The following SLC7A5 variants were observed in gnomAD, a reference collection of about 807,000 sequenced individuals.
SLC7A5 encodes large neutral amino acids transporter small subunit 1.
SLC7A5 carries 23 observed loss-of-function variants against 50.2 expected under a neutral mutation model. The observed-to-expected ratio is 0.46, with a 90% CI of 0.33 to 0.65. The LOEUF (loss-of-function observed/expected upper bound fraction) is 0.65. SLC7A5 is among the 30% of genes least tolerant of loss of function. The pLI is 0.02. For synonymous variants in SLC7A5, 393 were observed against 330.6 expected (o/e 1.19, Z -2.05); for missense variants, 578 against 684.4 (o/e 0.84, Z 1.73).
At chr16:87,868,605 T>C (rs2055492558) in intron 1 of SLC7A5, among the ~76,000 whole-genome samples, 1 of 152,170 alleles carries the variant, frequency 6.6e-6, no homozygotes, top group African/African-American at 2.4e-5. Flanking sequence ...GGCACTTGCC[T>C]AAACCGCTTA....
At chr16:87,868,586 C>A (rs1289642340) in intron 1 of SLC7A5, among the ~76,000 whole-genome samples, 1 of 152,164 alleles carries the variant, frequency 6.6e-6, no homozygotes, top group Non-Finnish European at 1.5e-5. Context: ...GCGGGGCCAA[C>A]GGGAGGGTGG....
In SLC7A5 at chr16:87,839,250, C is replaced by A. The variant is rs114872011; in HGVS notation, c.940-433G>T. Among the ~76,000 whole-genome samples the A allele has an allele frequency of 7.2e-3, 1,091 of 152,318 alleles. 12 individuals carry two copies. Among genetic ancestry groups the A allele is most frequent in the African/African-American group, 0.022 (919 of 41,568 alleles). On this transcript the variant is annotated intron_variant, in intron 5 of 9. Coordinates refer to ENST00000261622, the MANE Select transcript of SLC7A5 (RefSeq NM_003486.7). ...AGGGCAGTGGGAGAAGCCTCGGGAA[C>A]TGCGAGGCCAGCCTGGCTGAGCTGC...
chr16:87,867,562 C>A (rs2055478991), intron 1 of SLC7A5, among the ~76,000 whole-genome samples: 1 of 152,148 alleles, frequency 6.6e-6, no homozygotes, highest in African/African-American at 2.4e-5. Flanking sequence ...CCCCCTCCCC[C>A]TCCCCCCCAA....
chr16:87,840,404 C>T (rs771481278), intron 4 of SLC7A5, 25 bp downstream of exon 4: 44 of 1,593,280 alleles, frequency 2.8e-5, no homozygotes, highest in Non-Finnish European at 3.4e-5. Context: ...TGAAAAAAGA[C>T]GGCTCCATCC....
intron 1 of SLC7A5, among the ~76,000 whole-genome samples, chr16:87,866,149 T>C (rs1205641732): frequency 1.3e-5 from 2 of 151,900 alleles, no homozygotes; most frequent in Non-Finnish European, 2.9e-5. Flanking sequence ...CAGGGAAGTC[T>C]TCTTAGCAGC....
At chr16:87,839,929 T>C (rs2055062552) in intron 4 of SLC7A5, 104 bp from the exon 5 acceptor site, 3 of 1,479,782 alleles carry the variant, frequency 2.0e-6, no homozygotes, top group Non-Finnish European at 2.8e-6. Flanking sequence ...AGCTCCAGCC[T>C]CTGTGCTGGG....
At chr16:87,838,187 G>C (rs1412199585) in intron 6 of SLC7A5, among the ~76,000 whole-genome samples, 1 of 152,234 alleles carries the variant, frequency 6.6e-6, no homozygotes, top group Non-Finnish European at 1.5e-5. Flanking sequence ...GCGGCCACAG[G>C]GCATCTAGGA....
intron 2 of SLC7A5, among the ~76,000 whole-genome samples, chr16:87,842,710 G>C (rs1471982577): frequency 2.0e-5 from 3 of 152,198 alleles, no homozygotes; most frequent in African/African-American, 7.2e-5. Context: ...ACCCTGCCCT[G>C]CTGAGGCCTT....
Position 87,852,041 on chromosome 16 carries a change from C to A in SLC7A5, c.539-192G>T, listed in dbSNP as rs922570671. Among the ~76,000 whole-genome samples the A allele has an allele frequency of 6.6e-6, 1 of 151,988 alleles. No individual in the cohort carries two copies. On this transcript the variant is annotated intron_variant, in intron 1 of 9. Coordinates refer to ENST00000261622, the MANE Select transcript of SLC7A5 (RefSeq NM_003486.7). This position sits in a 1 kb window ranked among gnomAD's most constrained non-coding sequence, Gnocchi z 4.5. ...TTCTGAGACCTGTTTTGATAAACTT[C>A]GCAGTCCTTTCAGGTCTAAGGGCTG... is the stretch of plus-strand genomic sequence containing the variant.
intron 4 of SLC7A5, among the ~76,000 whole-genome samples, chr16:87,840,038 C>T (rs561545157): frequency 1.3e-5 from 2 of 152,214 alleles, no homozygotes; most frequent in East Asian, 1.9e-4. Context: ...GTGCCTTGGC[C>T]GCGGCCTCAG....
Position 87,839,774 on chromosome 16 carries a change from G to A in SLC7A5, c.867C>T (p.Tyr289=), listed in dbSNP as rs201334062. Residue 289 remains tyrosine, a synonymous_variant, in exon 5 of 10, where the codon TAC becomes TAT. Coordinates refer to ENST00000261622, the MANE Select transcript of SLC7A5 (RefSeq NM_003486.7). ...IISLPIVTLV[Y]VLTNLAYFTT... ...TGAAGTAGGCCAGGTTGGTCAGCACGTACACCAGCGTCACGATGGGCAGGG... is the reference window on the plus strand; with the variant it reads ...TGAAGTAGGCCAGGTTGGTCAGCACATACACCAGCGTCACGATGGGCAGGG... 12 of 1,613,954 alleles carry A rather than the reference G, an allele frequency of 7.4e-6. No homozygotes were observed. The highest frequency in any genetic ancestry group is 3.3e-5 in the Admixed American group (2 of 60,030).
chr16:87,862,000 C>T lies in SLC7A5; in HGVS notation c.538+6885G>A, dbSNP rs1484456614. 2.0e-5 allele frequency among the ~76,000 whole-genome samples: 3 copies of T among 152,216 alleles called. No homozygotes were observed. Among genetic ancestry groups the T allele is most frequent in the South Asian group, 4.1e-4 (2 of 4,834 alleles). On this transcript the variant is annotated intron_variant, in intron 1 of 9. Transcript: ENST00000261622. This position sits in a 1 kb window ranked among gnomAD's most constrained non-coding sequence, Gnocchi z 4.2. ...TGGGGCCCACCCAGCTCCTTAAACACGCAGAACCTTTGCCAGCTGAGCCAG... is the reference window on the plus strand; with the variant it reads ...TGGGGCCCACCCAGCTCCTTAAACATGCAGAACCTTTGCCAGCTGAGCCAG...
At chr16:87,865,879 T>C (rs952590052) in intron 1 of SLC7A5, among the ~76,000 whole-genome samples, 26 of 152,048 alleles carry the variant, frequency 1.7e-4, no homozygotes, top group Non-Finnish European at 3.7e-4. Flanking sequence ...CCCAGCAAAT[T>C]GGGAGGCTGA....
In SLC7A5 at chr16:87,869,457, A is replaced by G; in HGVS notation, c.-35T>C. On this transcript the variant is annotated 5_prime_UTR_variant, in exon 1 of 10. Transcript: ENST00000261622. ...ACCGGCCGGGCCTGGGACACCCGGG[A>G]GCCGCGGCCCAGCGAGCAGTGTGCG... 2 of 1,345,752 alleles carry G rather than the reference A, an allele frequency of 1.5e-6. No homozygotes were observed. Among genetic ancestry groups the G allele is most frequent in the Non-Finnish European group, 1.9e-6 (2 of 1,056,888 alleles). The allele number at this position is 1,345,752 out of a possible 1,614,324, so 83.4% of individuals were successfully genotyped here. A position where few individuals can be genotyped will look rare whatever the true frequency, so the allele number is the denominator to read the frequency against.
chr16:87,836,355 G>T, intron 8 of SLC7A5, 143 bp downstream of exon 8: 1 of 904,262 alleles, frequency 1.1e-6, no homozygotes, highest in Non-Finnish European at 1.7e-6. Flanking sequence ...AGTCATCACC[G>T]GAATTAGTCG....
intron 2 of SLC7A5, among the ~76,000 whole-genome samples, chr16:87,846,590 G>T (rs1433344385): frequency 6.6e-6 from 1 of 152,200 alleles, no homozygotes; most frequent in East Asian, 1.9e-4. Context: ...GGAGGCCCCA[G>T]ACAGCTCACT....
intron 1 of SLC7A5, among the ~76,000 whole-genome samples, chr16:87,856,938 G>C (rs1361152903): frequency 6.6e-6 from 1 of 152,238 alleles, no homozygotes; most frequent in Non-Finnish European, 1.5e-5. Context: ...TCCCAGGGAG[G>C]CTGGTGCTGC....
intron 2 of SLC7A5, among the ~76,000 whole-genome samples, chr16:87,845,642 T>C (rs1399786967): frequency 6.6e-6 from 1 of 151,898 alleles, no homozygotes; most frequent in African/African-American, 2.4e-5. Context: ...GGAATTTGGG[T>C]TTGGGGGTTC....
chr16:87,846,811 G>A (rs2055159866), intron 2 of SLC7A5, among the ~76,000 whole-genome samples: 1 of 152,234 alleles, frequency 6.6e-6, no homozygotes, highest in Admixed American at 6.5e-5. Flanking sequence ...GAAAGCGGCA[G>A]TCAGGGCGTG....
Sources: gnomAD v4.1 joint callset for allele counts (sites outside exome capture counted in the v4.1 genomes callset) on GRCh38, gnomAD v4.1.1 for gene constraint, Gnocchi (gnomAD v3.1) non-coding constraint, MANE v1.5 for transcripts, NCBI Gene and HGNC (gene_info 2026-07-23, HGNC 2026-07-21) for gene names.